CACHD1: variants seen among roughly 807,000 people sequenced by gnomAD.
The protein encoded by CACHD1 is cache domain containing 1, also known as VWFA and cache domain-containing protein 1.
Under a neutral mutation model 138.7 loss-of-function variants are expected in CACHD1, and 71 were observed. The observed-to-expected ratio is 0.51, with a 90% CI of 0.42 to 0.62. CACHD1 has a LOEUF of 0.62. Ranked by LOEUF, CACHD1 falls within the 20% of genes least tolerant of loss-of-function variation. The probability of loss-of-function intolerance (pLI) is 0.00; values close to 1 mark genes in which losing one functional copy is unlikely to be tolerated. For missense variants in CACHD1, 1,389 were observed against 1,625.3 expected, an observed-to-expected ratio of 0.85 and a Z score of 2.50; for synonymous variants, 578 against 591.5, an observed-to-expected ratio of 0.98 and a Z score of 0.33.
At chr1:64,549,430 T>C (rs1030347703) in intron 1 of CACHD1, among the ~76,000 whole-genome samples, 1 of 152,180 alleles carries the variant, frequency 6.6e-6, no homozygotes, top group African/African-American at 2.4e-5. Flanking sequence ...CCATGATTTG[T>C]AATAATTTTC....
intron 2 of CACHD1, among the ~76,000 whole-genome samples, chr1:64,561,158 G>T (rs1260181557): frequency 2.0e-5 from 3 of 146,854 alleles, no homozygotes; most frequent in Admixed American, 6.8e-5. Flanking sequence ...AATATTTTGG[G>T]TTTTTTTTCT....
chr1:64,674,048 A>G (rs376513124), intron 19 of CACHD1, among the ~76,000 whole-genome samples: 1 of 150,070 alleles, frequency 6.7e-6, no homozygotes, highest in African/African-American at 2.4e-5. Context: ...AAAATGGGGA[A>G]TGAAAGAACA....
chr1:64,490,072 G>C (rs1418104210), intron 1 of CACHD1, among the ~76,000 whole-genome samples: 3 of 152,170 alleles, frequency 2.0e-5, no homozygotes, highest in African/African-American at 7.2e-5. Context: ...CTTGGCCAGA[G>C]GTACAAATAG....
intron 26 of CACHD1, among the ~76,000 whole-genome samples, chr1:64,684,639 A>G (rs1650305354): frequency 1.3e-5 from 2 of 152,166 alleles, no homozygotes; most frequent in African/African-American, 2.4e-5. Flanking sequence ...TAATAAATTT[A>G]GAGTAGCCTA....
chr1:64,582,095 A>T, intron 2 of CACHD1, 61 bp from the exon 3 acceptor site: 1 of 1,569,438 alleles, frequency 6.4e-7, no homozygotes, highest in South Asian at 1.2e-5. Flanking sequence ...TTTATTAGAA[A>T]AAAATACAAT....
At chr1:64,640,799 A>G (rs1648686948) in intron 7 of CACHD1, among the ~76,000 whole-genome samples, 1 of 151,884 alleles carries the variant, frequency 6.6e-6, no homozygotes, top group African/African-American at 2.4e-5. Context: ...TAGGAAGAAG[A>G]TGTAAAAGTC....
At chr1:64,576,906 TG>T (rs1236821808) in intron 2 of CACHD1, among the ~76,000 whole-genome samples, 6 of 149,522 alleles carry the variant, frequency 4.0e-5, no homozygotes, top group African/African-American at 1.2e-4. Context: ...TTTGTTTGTT[TG>T]TTTTTTTTTT....
At chr1:64,653,408 A>G (rs1313255699) in intron 10 of CACHD1, among the ~76,000 whole-genome samples, 3 of 148,412 alleles carry the variant, frequency 2.0e-5, no homozygotes, top group African/African-American at 7.5e-5. Flanking sequence ...AAAAAAAAAA[A>G]GAAGAATGTC....
chr1:64,672,951 C>G (rs139082181), intron 17 of CACHD1, among the ~76,000 whole-genome samples: 1 of 152,058 alleles, frequency 6.6e-6, no homozygotes, highest in Admixed American at 6.6e-5. Context: ...TTACCTTAAC[C>G]TCTACTCTAG....
At chr1:64,643,139 C>T (rs1648783379) in intron 8 of CACHD1, among the ~76,000 whole-genome samples, 1 of 147,686 alleles carries the variant, frequency 6.8e-6, no homozygotes. Context: ...TGTGAAATTT[C>T]CATGCAGAAC....
chr1:64,667,775 C>T (rs964968407), intron 16 of CACHD1, among the ~76,000 whole-genome samples: 1 of 152,176 alleles, frequency 6.6e-6, no homozygotes, highest in Non-Finnish European at 1.5e-5. Flanking sequence ...CCAGGTGTGC[C>T]TTAGTCATTA....
chr1:64,480,373 C>CT (rs34876016), intron 1 of CACHD1, among the ~76,000 whole-genome samples: 2 of 151,838 alleles, frequency 1.3e-5, no homozygotes, highest in Admixed American at 6.6e-5. Context: ...GTGGGGGCCC[C>CT]TTTTTTTTCC....
chr1:64,593,926 C>G (rs1054294012), intron 3 of CACHD1, among the ~76,000 whole-genome samples: 5 of 152,174 alleles, frequency 3.3e-5, no homozygotes, highest in South Asian at 2.1e-4. Context: ...GGGGTAGAAA[C>G]TGTCTCTGCC....
intron 26 of CACHD1, among the ~76,000 whole-genome samples, chr1:64,689,384 C>A (rs1650471007): frequency 6.6e-6 from 1 of 152,190 alleles, no homozygotes; most frequent in African/African-American, 2.4e-5. Flanking sequence ...CTCACCCCCA[C>A]AGTCCCCCAC....
chr1:64,534,544 G>T (rs1354740663), intron 1 of CACHD1, among the ~76,000 whole-genome samples: 1 of 152,224 alleles, frequency 6.6e-6, no homozygotes. Context: ...TGAGGCTCTT[G>T]ATGACTTTGC....
At chr1:64,531,037 T>C (rs1646581235) in intron 1 of CACHD1, among the ~76,000 whole-genome samples, 1 of 152,022 alleles carries the variant, frequency 6.6e-6, no homozygotes. Context: ...AAAACCTTAT[T>C]GGCAATGAAC....
chr1:64,641,191 A>G (rs1648702060), intron 7 of CACHD1, among the ~76,000 whole-genome samples: 4 of 152,192 alleles, frequency 2.6e-5, no homozygotes, highest in Admixed American at 2.6e-4. Context: ...TAGACAAAGA[A>G]AATTAGTTGT....
At chr1:64,626,075 G>A (rs543316636) in intron 4 of CACHD1, among the ~76,000 whole-genome samples, 1 of 152,310 alleles carries the variant, frequency 6.6e-6, no homozygotes, top group South Asian at 2.1e-4. Flanking sequence ...TCACCATGGG[G>A]CACTTTTATG....
rs182729611 is a variant in CACHD1, at chr1:64,492,332, A to G, written c.198+21390A>G. 9.1e-3 allele frequency among the ~76,000 whole-genome samples: 615 copies of G among 67,618 alleles called. 4 individuals carry two copies. The highest frequency in any genetic ancestry group is 0.023 in the South Asian group (41 of 1,772). The allele number at this position is 67,618 out of a possible 152,430, so 44.4% of individuals were successfully genotyped here. ...ATAACGGCACTTGTATAACTTGAGA[A>G]AAATACGGGGAAGGATGGCCTTTAT... is the stretch of plus-strand genomic sequence containing the variant. On this transcript the variant is annotated intron_variant, in intron 1 of 26. Coordinates refer to ENST00000651257, the MANE Select transcript of CACHD1 (RefSeq NM_020925.4).
Sources: allele counts gnomAD v4.1 joint callset (sites outside exome capture counted in the v4.1 genomes callset), GRCh38; gene constraint gnomAD v4.1.1; transcripts MANE v1.5; gene names NCBI Gene and HGNC (gene_info 2026-07-23, HGNC 2026-07-21).